CEP290: variants seen among roughly 807,000 people sequenced by gnomAD.
CEP290 encodes centrosomal protein 290.
In CEP290, 317 loss-of-function variants were observed where a neutral mutation model predicts 344.9. That is an observed-to-expected ratio of 0.92 (90% confidence interval 0.84 to 1.01). CEP290 has a LOEUF of 1.01. Ranked by LOEUF, CEP290 falls within the 50% of genes least tolerant of loss-of-function variation. CEP290 has a pLI of 0.00. For synonymous variants in CEP290, 932 were observed against 895.8 expected, an observed-to-expected ratio of 1.04 and a Z score of -0.72; for missense variants, 2,754 against 2,761.4, an observed-to-expected ratio of 1.00 and a Z score of 0.06.
intron 13 of CEP290, among the ~76,000 whole-genome samples, chr12:88,124,309 A>G (rs1260255218): frequency 6.6e-6 from 1 of 152,066 alleles, no homozygotes; most frequent in East Asian, 1.9e-4. Flanking sequence ...TTGTTCTCAG[A>G]CATGATTGGT....
At chr12:88,099,420 G>C (rs2037704123) in intron 26 of CEP290, among the ~76,000 whole-genome samples, 1 of 152,116 alleles carries the variant, frequency 6.6e-6, no homozygotes, top group Non-Finnish European at 1.5e-5. Context: ...GAGGAAAAAG[G>C]CTGGCGATAT....
intron 46 of CEP290, among the ~76,000 whole-genome samples, chr12:88,061,744 G>A (rs1248750864): frequency 6.6e-6 from 1 of 151,366 alleles, no homozygotes; most frequent in Admixed American, 6.6e-5. Context: ...AACAAATGTT[G>A]CTGCCAGCAA....
intron 25 of CEP290, 45 bp downstream of exon 25, chr12:88,106,630 G>A: frequency 7.6e-7 from 1 of 1,317,722 alleles, no homozygotes; most frequent in Non-Finnish European, 1.1e-6. Context: ...CTGCATATTT[G>A]AAATTTTTCA....
chr12:88,139,410 A>G, intron 4 of CEP290, 85 bp downstream of exon 4: 2 of 759,004 alleles, frequency 2.6e-6, no homozygotes, highest in Admixed American at 3.5e-5. Flanking sequence ...TATATTTTAT[A>G]GAATATAATT....
chr12:88,124,296 T>C (rs2039596627), intron 13 of CEP290, among the ~76,000 whole-genome samples: 1 of 152,116 alleles, frequency 6.6e-6, no homozygotes, highest in Non-Finnish European at 1.5e-5. Context: ...AAAGACTTCT[T>C]TGTTGTTCTC....
chr12:88,052,252 A>G (rs11104726), intron 52 of CEP290, among the ~76,000 whole-genome samples: 12,020 of 152,146 alleles, frequency 0.079, 686 homozygotes, highest in Non-Finnish European at 0.12. Context: ...TGGCATCTCT[A>G]TCATCCTATC....
At chr12:88,081,391 T>C (rs1293812367) in intron 37 of CEP290, among the ~76,000 whole-genome samples, 1 of 152,224 alleles carries the variant, frequency 6.6e-6, no homozygotes, top group South Asian at 2.1e-4. Context: ...TGGAAGTGGA[T>C]ACTATCAAAA....
chr12:88,111,816 G>A lies in CEP290; in HGVS notation c.2095C>T (p.Leu699=), dbSNP rs748627817. ...KNAEGIFDAS[L]HLKAQVDQLT... ...TGATCAACTTGGGCTTTCAAATGCA[G>A]ACTCGCATCAAAGATTCCTTCTGCA... The change falls in exon 21 of 54, where the codon CTG becomes TTG. Residue 699 remains leucine, a synonymous_variant. Coordinates refer to ENST00000552810, the MANE Select transcript of CEP290 (RefSeq NM_025114.4). 1 of 1,603,514 alleles carries A rather than the reference G, an allele frequency of 6.2e-7. No individual in the cohort carries two copies.
Position 88,106,702 on chromosome 12 carries a change from T to C in CEP290, c.2790A>G (p.Glu930=), listed in dbSNP as rs1297323750. Reference sequence around the variant, plus strand: ...TAAATCTTTGCAAACACCCAATTTTTTCACAAACTTCAGCCTCCATTGACA... The same window carrying C: ...TAAATCTTTGCAAACACCCAATTTTCTCACAAACTTCAGCCTCCATTGACA... ...ELLSMEAEVC[E]KIGCLQRFKE... Residue 930 remains glutamate (E), a synonymous_variant, in exon 25 of 54, where the codon GAA becomes GAG. Transcript: ENST00000552810. 6.2e-7 allele frequency: 1 copy of C among 1,608,542 alleles called. No homozygotes were observed. Among genetic ancestry groups the C allele is most frequent in the Non-Finnish European group, 8.5e-7 (1 of 1,178,296 alleles).
At chr12:88,118,143 A>C (rs1334100968) in intron 17 of CEP290, among the ~76,000 whole-genome samples, 2 of 151,882 alleles carry the variant, frequency 1.3e-5, no homozygotes, top group African/African-American at 4.8e-5. Flanking sequence ...TAACATAAAA[A>C]CTACTAAGTT....
chr12:88,085,473 A>G (rs2036510410), intron 34 of CEP290, among the ~76,000 whole-genome samples: 1 of 152,118 alleles, frequency 6.6e-6, no homozygotes, highest in South Asian at 2.1e-4. Context: ...GTTTTACTTG[A>G]AAAACTTCTT....
At chr12:88,075,384 A>G (rs1391903900) in intron 41 of CEP290, among the ~76,000 whole-genome samples, 15 of 152,172 alleles carry the variant, frequency 9.9e-5, no homozygotes, top group Admixed American at 9.8e-4. Flanking sequence ...CTTCGTATGC[A>G]TAGATTTCAG....
chr12:88,054,454 G>T, intron 50 of CEP290, 41 bp from the exon 51 acceptor site: 1 of 1,359,222 alleles, frequency 7.4e-7, no homozygotes, highest in Non-Finnish European at 1.0e-6. Flanking sequence ...GGTTTGCCAT[G>T]GAAATATGAG....
chr12:88,105,114 A>G (rs1239041113), intron 25 of CEP290, among the ~76,000 whole-genome samples: 1 of 152,204 alleles, frequency 6.6e-6, no homozygotes, highest in Admixed American at 6.5e-5. Context: ...TGGGCTCTTT[A>G]AAGAAATGGT....
At chr12:88,123,305 G>A (rs1403182850) in intron 13 of CEP290, among the ~76,000 whole-genome samples, 1 of 151,958 alleles carries the variant, frequency 6.6e-6, no homozygotes, top group Non-Finnish European at 1.5e-5. Flanking sequence ...TTCCCCTCAA[G>A]CTACCACCTT....
At chr12:88,071,638 T>A in intron 42 of CEP290, 143 bp downstream of exon 42, 2 of 855,830 alleles carry the variant, frequency 2.3e-6, no homozygotes, top group Non-Finnish European at 3.4e-6. Flanking sequence ...TTAAAGAAAA[T>A]AAAAAGTAAG....
chr12:88,088,327 A>C (rs2036752780), intron 31 of CEP290, among the ~76,000 whole-genome samples: 2 of 152,166 alleles, frequency 1.3e-5, no homozygotes, highest in Admixed American at 1.3e-4. Context: ...TTTTTCATTT[A>C]ATTCTTTCTA....
At chr12:88,113,906 T>C (rs892401238) in intron 20 of CEP290, among the ~76,000 whole-genome samples, 5 of 152,018 alleles carry the variant, frequency 3.3e-5, no homozygotes, top group Non-Finnish European at 7.4e-5. Flanking sequence ...CTAGATGTTC[T>C]AGAAAATGAA....
intron 6 of CEP290, among the ~76,000 whole-genome samples, chr12:88,133,497 T>C (rs1295562275): frequency 6.6e-6 from 1 of 152,194 alleles, no homozygotes; most frequent in East Asian, 1.9e-4. Flanking sequence ...TCTTTGCTAT[T>C]GTGAATAGTG....
Sources: gnomAD v4.1 joint callset for allele counts (sites outside exome capture counted in the v4.1 genomes callset) on GRCh38, gnomAD v4.1.1 for gene constraint, MANE v1.5 for transcripts, NCBI Gene and HGNC (gene_info 2026-07-23, HGNC 2026-07-21) for gene names.